The following CTNNA1 variants were observed in gnomAD, a reference collection of about 807,000 sequenced individuals.
CTNNA1 encodes the protein catenin alpha 1, also known as catenin alpha-1.
CTNNA1 carries 37 observed loss-of-function variants against 98.4 expected under a neutral mutation model. The ratio of observed to expected loss-of-function variants is 0.38; its 90% CI spans 0.29 to 0.49. CTNNA1 has a LOEUF of 0.49. Ranked by LOEUF, CTNNA1 falls within the 20% of genes least tolerant of loss-of-function variation. The pLI is 0.95. For synonymous variants in CTNNA1, 404 were observed against 413.2 expected (o/e 0.98, Z 0.27); for missense variants, 761 against 1,147.2 (o/e 0.66, Z 4.86).
chr5:138,847,827 A>G (rs1356340413), intron 7 of CTNNA1, among the ~76,000 whole-genome samples: 2 of 152,228 alleles, frequency 1.3e-5, no homozygotes, highest in Non-Finnish European at 2.9e-5. Flanking sequence ...TTGGAGCTTA[A>G]TAGTCATTAA....
chr5:138,924,862 C>A (rs920770715), intron 12 of CTNNA1, 152 bp downstream of exon 12: 10 of 681,700 alleles, frequency 1.5e-5, no homozygotes, highest in Non-Finnish European at 2.5e-5. Flanking sequence ...CTGGTCATAG[C>A]CAAATTCAGG....
At chr5:138,815,730 C>T (rs1759366260) in intron 5 of CTNNA1, among the ~76,000 whole-genome samples, 2 of 151,682 alleles carry the variant, frequency 1.3e-5, no homozygotes, top group Admixed American at 1.3e-4. Context: ...TTCGCATTTT[C>T]TTGGGTTTAT....
At chr5:138,899,540 T>C (rs932465940) in intron 9 of CTNNA1, among the ~76,000 whole-genome samples, 4 of 152,254 alleles carry the variant, frequency 2.6e-5, no homozygotes, top group Non-Finnish European at 5.9e-5. Context: ...TTGATCACTC[T>C]TAGGGTTGGT....
intron 7 of CTNNA1, among the ~76,000 whole-genome samples, chr5:138,862,049 A>T (rs1374793057): frequency 1.3e-5 from 2 of 152,200 alleles, no homozygotes; most frequent in African/African-American, 4.8e-5. Flanking sequence ...TGACTTGAAG[A>T]ATCTGGGTCA....
chr5:138,887,783 C>T (rs1340623697), intron 9 of CTNNA1, 141 bp downstream of exon 9: 11 of 677,326 alleles, frequency 1.6e-5, no homozygotes, highest in Non-Finnish European at 2.5e-5. Context: ...TTCATTATCA[C>T]TTAACATCTA....
chr5:138,852,871 G>GCGCACACACACACGCACGCGCGCA (rs869240008), intron 7 of CTNNA1, among the ~76,000 whole-genome samples: 3,031 of 151,354 alleles, frequency 0.02, 42 homozygotes, highest in Admixed American at 0.03. Flanking sequence ...GCGCGCGCGC[G>GCGCACACACACACGCACGCGCGCA]CACACACACA....
intron 7 of CTNNA1, among the ~76,000 whole-genome samples, chr5:138,844,548 A>T (rs961316455): frequency 3.9e-5 from 6 of 152,144 alleles, no homozygotes; most frequent in African/African-American, 1.4e-4. Flanking sequence ...TGGCCAGTAT[A>T]ATTTTAGATT....
intron 5 of CTNNA1, among the ~76,000 whole-genome samples, chr5:138,823,176 T>G (rs1760209822): frequency 6.6e-6 from 1 of 152,276 alleles, no homozygotes; most frequent in Middle Eastern, 3.4e-3. Flanking sequence ...ACTAAAGCCT[T>G]TTTTTCCCTT....
chr5:138,893,040 A>T lies in CTNNA1; in HGVS notation c.1296+5398A>T, dbSNP rs577219850. 2.3e-4 allele frequency among the ~76,000 whole-genome samples: 35 copies of T among 152,170 alleles called. No individual in the cohort carries two copies. In the South Asian group the frequency reaches 6.6e-3, roughly 29 times the overall value. On this transcript the variant is annotated intron_variant, in intron 9 of 17. Coordinates refer to ENST00000302763, the MANE Select transcript of CTNNA1 (RefSeq NM_001903.5). ...CAAAATAAATAAATAAATAAATAAA[A>T]ATAAATTAAAAATTCTTCAGTGGCT...
chr5:138,845,782 T>G (rs1188727874), intron 7 of CTNNA1, among the ~76,000 whole-genome samples: 1 of 152,222 alleles, frequency 6.6e-6, no homozygotes. Context: ...ATTTAGAGCT[T>G]TTAAGCTTAT....
At chr5:138,913,151 G>C (rs762309414) in intron 10 of CTNNA1, among the ~76,000 whole-genome samples, 41 of 151,494 alleles carry the variant, frequency 2.7e-4, no homozygotes, top group Non-Finnish European at 5.2e-4. Flanking sequence ...TTTCTTTACA[G>C]ATTTAACCTT....
intron 7 of CTNNA1, among the ~76,000 whole-genome samples, chr5:138,836,460 AC>A (rs1221289852): frequency 2.0e-5 from 3 of 152,298 alleles, no homozygotes; most frequent in Admixed American, 6.5e-5. Context: ...AAGACATCTT[AC>A]CCCAGTTATA....
chr5:138,931,376 A>T (rs1378668948), intron 16 of CTNNA1, among the ~76,000 whole-genome samples: 3 of 152,230 alleles, frequency 2.0e-5, no homozygotes, highest in Non-Finnish European at 4.4e-5. Flanking sequence ...ATTGTACAAT[A>T]CATTTCATTT....
intron 1 of CTNNA1, among the ~76,000 whole-genome samples, chr5:138,762,907 CAG>C (rs368940917): frequency 6.6e-6 from 1 of 151,916 alleles, no homozygotes; most frequent in African/African-American, 2.4e-5. Flanking sequence ...AAGGGCTTAA[CAG>C]AAGAAAAATT....
intron 3 of CTNNA1, among the ~76,000 whole-genome samples, chr5:138,785,841 G>T (rs542995121): frequency 2.0e-5 from 3 of 152,102 alleles, no homozygotes; most frequent in Non-Finnish European, 4.4e-5. Context: ...TGATCTGCTC[G>T]CCTTGGCCTC....
intron 1 of CTNNA1, among the ~76,000 whole-genome samples, chr5:138,780,082 C>T (rs1306525508): frequency 6.6e-6 from 1 of 152,136 alleles, no homozygotes; most frequent in Admixed American, 6.5e-5. Context: ...TTGTGAACAT[C>T]ATTGTATCCC....
At chr5:138,904,601 T>G in intron 10 of CTNNA1, 160 bp downstream of exon 10, 1 of 976,716 alleles carries the variant, frequency 1.0e-6, no homozygotes, top group African/African-American at 1.6e-5. Context: ...TGGAATATTT[T>G]TTGTTTAACA....
chr5:138,796,406 C>A (rs927903694), intron 3 of CTNNA1, among the ~76,000 whole-genome samples: 4 of 151,920 alleles, frequency 2.6e-5, no homozygotes, highest in African/African-American at 9.7e-5. Context: ...TAGCCAGGCG[C>A]GGTGGCGGGC....
intron 5 of CTNNA1, among the ~76,000 whole-genome samples, chr5:138,822,244 T>C (rs1214705100): frequency 6.6e-6 from 1 of 152,122 alleles, no homozygotes; most frequent in African/African-American, 2.4e-5. Context: ...GATCACCAAT[T>C]CTCTAAATCC....
Sources: gnomAD v4.1 joint callset for allele counts (sites outside exome capture counted in the v4.1 genomes callset) on GRCh38, gnomAD v4.1.1 for gene constraint, MANE v1.5 for transcripts, NCBI Gene and HGNC (gene_info 2026-07-23, HGNC 2026-07-21) for gene names.